The following DIO1 variants were observed in gnomAD, a reference collection of about 807,000 sequenced individuals.
The protein encoded by DIO1 is type I iodothyronine deiodinase.
In DIO1, 17 loss-of-function variants were observed where a neutral mutation model predicts 25.9. The observed-to-expected ratio is 0.66, with a 90% CI of 0.45 to 0.98. The LOEUF (loss-of-function observed/expected upper bound fraction) is 0.98, where lower values mean the gene tolerates loss of function less well. DIO1 is among the 50% of genes least tolerant of loss of function. The pLI is 0.00. For missense variants in DIO1, 270 were observed against 310.4 expected, an observed-to-expected ratio of 0.87 and a Z score of 0.98; for synonymous variants, 115 against 114.0, an observed-to-expected ratio of 1.01 and a Z score of -0.05.
chr1:53,909,377 T>C lies in DIO1; in HGVS notation c.682-554T>C, dbSNP rs144597075. The stretch of plus-strand genomic sequence containing the variant: ...GTTGCAGTGAATCAAGATTGCGCCA[T>C]TGCACTCCAGCCTGGGCAACAGAGC... On this transcript the variant is annotated intron_variant, in intron 3 of 3. Transcript: ENST00000361921. Among the ~76,000 whole-genome samples, 870 of 149,290 alleles carry C rather than the reference T, an allele frequency of 5.8e-3. 4 individuals are homozygous for C. The highest frequency in any genetic ancestry group is 0.02 in the African/African-American group (823 of 40,580).
At position 53,907,952 on chromosome 1, in the gene DIO1, A is replaced by G. The variant is rs191333341; in HGVS notation, c.681+1658A>G. ...AAAAAAAAAATGACCGGCCGGGCGC[A>G]GTGGCTCATGCCTGTAATCCCAGCA... On this transcript the variant is annotated intron_variant, in intron 3 of 3. Coordinates refer to ENST00000361921, the MANE Select transcript of DIO1 (RefSeq NM_000792.7). Among the ~76,000 whole-genome samples the G allele has an allele frequency of 8.6e-3, 1,243 of 144,532 alleles. 26 individuals carry two copies. Among genetic ancestry groups the G allele is most frequent in the African/African-American group, 0.032 (1,181 of 37,340 alleles). The allele number at this position is 144,532 out of a possible 152,430, so 94.8% of individuals were successfully genotyped here. A position where few individuals can be genotyped will look rare whatever the true frequency, so the allele number is the denominator to read the frequency against.
rs977833440 is a variant in DIO1 at position 53,894,952 on chromosome 1, C to T, written c.337+405C>T. 1.3e-5 allele frequency among the ~76,000 whole-genome samples: 2 copies of T among 152,224 alleles called. No individual in the cohort carries two copies. The highest frequency in any genetic ancestry group is 4.8e-5 in the African/African-American group (2 of 41,450). ...TACCCTCTCTCATCTGCCTGCTTAA[C>T]ATCCTAAACTTTTCTTTATTACACC... is the stretch of plus-strand genomic sequence containing the variant. On this transcript the variant is annotated intron_variant, in intron 1 of 3. Transcript: ENST00000361921. The surrounding 1 kb of genome is among the most constrained non-coding windows in gnomAD (Gnocchi z 4.9).
intron 1 of DIO1, among the ~76,000 whole-genome samples, chr1:53,901,541 A>G (rs1408189510): frequency 6.6e-6 from 1 of 152,138 alleles, no homozygotes; most frequent in Non-Finnish European, 1.5e-5. Context: ...CCAGAATCAA[A>G]GATCTATGTG....
At chr1:53,895,061 C>A (rs1406186904) in intron 1 of DIO1, among the ~76,000 whole-genome samples, 1 of 152,190 alleles carries the variant, frequency 6.6e-6, no homozygotes, top group South Asian at 2.1e-4. Flanking sequence ...CAGGTCGAGA[C>A]CATTGCTCTC....
chr1:53,906,425 T>C (rs919494061), intron 3 of DIO1, 131 bp downstream of exon 3: 5 of 761,196 alleles, frequency 6.6e-6, no homozygotes, highest in Non-Finnish European at 8.5e-6. Context: ...CATGTGACCA[T>C]GGGCGAGTGC....
At chr1:53,900,494 C>T (rs1651302808) in intron 1 of DIO1, among the ~76,000 whole-genome samples, 1 of 152,186 alleles carries the variant, frequency 6.6e-6, no homozygotes. Flanking sequence ...ATCCCAGCTA[C>T]TTAGGAGGCT....
Position 53,906,160 on chromosome 1 carries a change from G to A in DIO1, c.547G>A (p.Ala183Thr). The change falls in exon 3 of 4, where the codon GCA becomes ACA. Residue 183 changes from alanine to threonine, a missense_variant. Ala to Thr is a moderately conservative substitution (Grantham distance 58, BLOSUM62 0). Transcript: ENST00000361921. Reference protein sequence around the residue: ...NHQNLQDRLQAAHLLLARSPQ... With the variant: ...NHQNLQDRLQTAHLLLARSPQ... ...CCAGAACCTTCAGGATCGCCTGCAG[G>A]CAGCCCATCTACTGCTGGCCAGGAG... The A allele has an allele frequency of 6.2e-7, 1 of 1,614,182 alleles. No individual in the cohort carries two copies. Among genetic ancestry groups the A allele is most frequent in the East Asian group, 2.2e-5 (1 of 44,880 alleles).
chr1:53,905,574 C>T (rs563443171), intron 2 of DIO1, among the ~76,000 whole-genome samples: 31 of 152,314 alleles, frequency 2.0e-4, no homozygotes, highest in Admixed American at 3.9e-4. Flanking sequence ...GCTGTTAAAA[C>T]GCAGATGTCT....
intron 1 of DIO1, among the ~76,000 whole-genome samples, chr1:53,904,422 C>T (rs926561731): frequency 2.0e-5 from 3 of 152,080 alleles, no homozygotes; most frequent in African/African-American, 4.8e-5. Context: ...AACTGCTATG[C>T]GGCAACTGCA....
At chr1:53,900,968 C>T (rs1651325837) in intron 1 of DIO1, among the ~76,000 whole-genome samples, 1 of 148,156 alleles carries the variant, frequency 6.7e-6, no homozygotes, top group Non-Finnish European at 1.5e-5. Context: ...GCACACCCTA[C>T]CAGGGCCAGC....
rs1007789992 is a variant in DIO1 at position 53,910,635 on chromosome 1, T to G, written c.*636T>G. ...GGTGATGATGGGTGAGTTTCCATGG[T>G]AACACATCCCTAATTTTACCAGGGA... is the stretch of plus-strand genomic sequence containing the variant. On this transcript the variant is annotated 3_prime_UTR_variant, in exon 4 of 4. Transcript: ENST00000361921. The G allele has an allele frequency of 5.2e-5, 8 of 152,936 alleles. No individual in the cohort carries two copies. The highest frequency in any genetic ancestry group is 1.9e-4 in the African/African-American group (8 of 41,444). 9.5% of individuals were successfully genotyped at this position (152,936 alleles called of 1,614,324 possible).
chr1:53,896,469 C>T (rs915116186), intron 1 of DIO1, among the ~76,000 whole-genome samples: 23 of 152,132 alleles, frequency 1.5e-4, no homozygotes, highest in Admixed American at 1.3e-3. Context: ...CCACCCACTT[C>T]GGCCTTCCAA....
chr1:53,907,049 G>A (rs940545544), intron 3 of DIO1, among the ~76,000 whole-genome samples: 9 of 152,222 alleles, frequency 5.9e-5, no homozygotes, highest in Admixed American at 4.6e-4. Flanking sequence ...GCCCTTGATC[G>A]GGTGGGCCAG....
rs746519365 is a variant in DIO1 at position 53,894,293 on chromosome 1, T to C, written c.83T>C (p.Val28Ala). 5 of 1,614,218 alleles carry C rather than the reference T, an allele frequency of 3.1e-6. No individual in the cohort carries two copies. The highest frequency in any genetic ancestry group is 2.2e-5 in the East Asian group (1 of 44,880). ...EVAVHVVVGK[V>A]LLILFPDRVK... Reference sequence around the variant, plus strand: ...GCTGTGCATGTGGTCGTGGGTAAAGTGCTTCTGATATTGTTTCCAGACAGA... The same window carrying C: ...GCTGTGCATGTGGTCGTGGGTAAAGCGCTTCTGATATTGTTTCCAGACAGA... The change falls in exon 1 of 4, where the codon GTG (valine) becomes GCG (alanine). Residue 28 changes from valine (V) to alanine (A), a missense_variant. Coordinates refer to ENST00000361921, the MANE Select transcript of DIO1 (RefSeq NM_000792.7). This position sits in a 1 kb window ranked among gnomAD's most constrained non-coding sequence, Gnocchi z 4.9.
chr1:53,896,802 G>A (rs1034943989), intron 1 of DIO1, among the ~76,000 whole-genome samples: 4 of 152,210 alleles, frequency 2.6e-5, no homozygotes, highest in Admixed American at 1.3e-4. Flanking sequence ...TTTCCTGGAG[G>A]AGGTGGCTCT....
intron 1 of DIO1, chr1:53,902,997 T>TTCCACAGCCTCCTTGCCC (rs2100771575): frequency 6.6e-6 from 1 of 150,746 alleles, no homozygotes; most frequent in South Asian, 2.1e-4. Flanking sequence ...GGCTCCTGCC[T>TTCCACAGCCTCCTTGCCC]TCCACAGCCT....
chr1:53,899,113 A>G (rs1651230752), intron 1 of DIO1, among the ~76,000 whole-genome samples: 1 of 152,194 alleles, frequency 6.6e-6, no homozygotes, highest in African/African-American at 2.4e-5. Context: ...ACACTCTTGG[A>G]CACACACAGA....
At chr1:53,907,780 G>A (rs900289187) in intron 3 of DIO1, among the ~76,000 whole-genome samples, 5 of 149,874 alleles carry the variant, frequency 3.3e-5, no homozygotes, top group Admixed American at 2.0e-4. Context: ...GCGTGGTGGC[G>A]CATGCCTGTA....
In DIO1 at chr1:53,894,589, A is replaced by G; in HGVS notation, c.337+42A>G. The stretch of plus-strand genomic sequence containing the variant: ...ACACTTGAGGGGTGCTTGAAATAGC[A>G]GTGGTAGAGGGGGATGAAGAGATGG... On this transcript the variant is annotated intron_variant, in intron 1 of 3. Coordinates refer to ENST00000361921, the MANE Select transcript of DIO1 (RefSeq NM_000792.7). The surrounding 1 kb of genome is among the most constrained non-coding windows in gnomAD (Gnocchi z 4.9). 1 of 1,551,468 alleles carries G rather than the reference A, an allele frequency of 6.4e-7. No homozygotes were observed. The highest frequency in any genetic ancestry group is 8.8e-7 in the Non-Finnish European group (1 of 1,141,090).
Sources: gnomAD v4.1 joint callset for allele counts (sites outside exome capture counted in the v4.1 genomes callset) on GRCh38, gnomAD v4.1.1 for gene constraint, Gnocchi (gnomAD v3.1) non-coding constraint, MANE v1.5 for transcripts, NCBI Gene and HGNC (gene_info 2026-07-23, HGNC 2026-07-21) for gene names.